Variants in PHF6 observed in about 807,000 individuals in gnomAD.
PHF6 encodes PHD finger protein 6, also known as PHD-like zinc finger protein.
In PHF6, 7 loss-of-function variants were observed where a neutral mutation model predicts 34.0. The ratio of observed to expected loss-of-function variants is 0.21; its 90% confidence interval spans 0.12 to 0.39. The LOEUF is 0.39. PHF6 is among the 10% of genes least tolerant of loss of function. The pLI is 1.00. For synonymous variants in PHF6, 89 were observed against 88.4 expected (o/e 1.01, Z -0.04); for missense variants, 128 against 262.8 (o/e 0.49, Z 3.55).
chrX:134,423,975 G>A (rs1033349483), intron 9 of PHF6, among the ~76,000 whole-genome samples: 3 of 109,828 alleles, frequency 2.7e-5, no homozygotes, highest in Admixed American at 9.8e-5. Context: ...ATGGGGGGAC[G>A]GGGGAGGGAT....
intron 7 of PHF6, among the ~76,000 whole-genome samples, chrX:134,414,591 G>A (rs987709091): frequency 9.2e-6 from 1 of 108,434 alleles, no homozygotes; most frequent in Non-Finnish European, 1.9e-5. Context: ...AGCTTTTTCC[G>A]AAATATGTGC....
chrX:134,373,785 G>A (rs1003134740), intron 1 of PHF6, among the ~76,000 whole-genome samples: 10 of 108,827 alleles, frequency 9.2e-5, no homozygotes, highest in African/African-American at 3.4e-4. Flanking sequence ...TGGGAAAGAG[G>A]GAGACTCCCA....
chrX:134,420,958 C>T (rs923003963), intron 9 of PHF6, among the ~76,000 whole-genome samples: 1 of 111,408 alleles, frequency 9.0e-6, no homozygotes, highest in Admixed American at 9.6e-5. Context: ...TGATAGAAAA[C>T]TCAGCATCAA....
chrX:134,384,981 C>G (rs1158599218), intron 3 of PHF6, among the ~76,000 whole-genome samples: 1 of 111,539 alleles, frequency 9.0e-6, no homozygotes, highest in Non-Finnish European at 1.9e-5. Flanking sequence ...TACCCTATGT[C>G]CAGTCTTGCT....
chrX:134,385,023 T>C (rs2077325927), intron 3 of PHF6, among the ~76,000 whole-genome samples: 2 of 111,682 alleles, frequency 1.8e-5, no homozygotes, highest in African/African-American at 6.5e-5. Context: ...TACTGGTAGT[T>C]ACTTGATCTC....
At chrX:134,377,898 A>T in intron 2 of PHF6, 107 bp from the exon 3 acceptor site, 2 of 920,297 alleles carry the variant, frequency 2.2e-6, no homozygotes, top group Non-Finnish European at 3.1e-6. Context: ...CACTAATGCT[A>T]TGCCATTTTT....
chrX:134,424,111 TA>T (rs760045577), intron 9 of PHF6, among the ~76,000 whole-genome samples: 64 of 99,271 alleles, frequency 6.4e-4, no homozygotes, highest in East Asian at 1.2e-3. Flanking sequence ...AAAAGTATAA[TA>T]AAAAAAAAAG....
intron 3 of PHF6, among the ~76,000 whole-genome samples, chrX:134,380,082 C>G (rs2077299956): frequency 9.0e-6 from 1 of 110,747 alleles, no homozygotes; most frequent in Non-Finnish European, 1.9e-5. Context: ...TAGTGTTACA[C>G]TACATGAAGC....
rs189034721 is a variant in PHF6, at chrX:134,407,966, C to T, written c.419-5525C>T. ...ATTTTTATTTTGAGACTCGCTCTGT[C>T]TCCCAGGCTGGAGTGCTGTGGCGTG... On this transcript the variant is annotated intron_variant, in intron 5 of 10. Transcript: ENST00000370803. Among the ~76,000 whole-genome samples, 345 of 112,072 alleles carry T rather than the reference C, an allele frequency of 3.1e-3. 1 individual carries two copies. Among genetic ancestry groups the T allele is most frequent in the South Asian group, 0.014 (37 of 2,658 alleles).
At chrX:134,424,663 CAT>C (rs2077502263) in intron 9 of PHF6, among the ~76,000 whole-genome samples, 1 of 111,959 alleles carries the variant, frequency 8.9e-6, no homozygotes, top group East Asian at 2.8e-4. Flanking sequence ...TTAAAAGAGA[CAT>C]AGCCAAATGC....
chrX:134,416,250 G>A lies in PHF6; in HGVS notation c.835-919G>A, dbSNP rs754815820. On this transcript the variant is annotated intron_variant, in intron 8 of 10. Transcript: ENST00000370803. ...GCTGGGATTACAGGCGTGAGCACCCGGCTAAAAATGAAACTTTCGTAACAG... is the reference window on the plus strand; with the variant it reads ...GCTGGGATTACAGGCGTGAGCACCCAGCTAAAAATGAAACTTTCGTAACAG... Among the ~76,000 whole-genome samples the A allele has an allele frequency of 2.7e-5, 3 of 111,214 alleles. No homozygotes were observed. In the East Asian group the frequency reaches 8.5e-4, roughly 31 times the overall value.
At chrX:134,373,793 C>T (rs2077267304) in intron 1 of PHF6, among the ~76,000 whole-genome samples, 1 of 106,771 alleles carries the variant, frequency 9.4e-6, no homozygotes, top group Admixed American at 1.0e-4. Flanking sequence ...AGGGAGACTC[C>T]CAGTTTGGGA....
intron 5 of PHF6, among the ~76,000 whole-genome samples, chrX:134,403,878 C>T (rs1248288860): frequency 8.9e-6 from 1 of 111,930 alleles, no homozygotes; most frequent in Non-Finnish European, 1.9e-5. Flanking sequence ...ATTTTAAGCC[C>T]ACTCTTGACA....
intron 9 of PHF6, among the ~76,000 whole-genome samples, chrX:134,423,549 A>G (rs1388659940): frequency 8.9e-6 from 1 of 112,214 alleles, no homozygotes; most frequent in Non-Finnish European, 1.9e-5. Context: ...AAAAATTTAA[A>G]AAGAGGTAGT....
intron 5 of PHF6, among the ~76,000 whole-genome samples, chrX:134,397,244 A>G (rs2077381180): frequency 8.9e-6 from 1 of 112,538 alleles, no homozygotes; most frequent in Non-Finnish European, 1.9e-5. Flanking sequence ...GTTTATAACT[A>G]TCATTATGTC....
At chrX:134,397,059 A>G (rs772719390) in intron 5 of PHF6, among the ~76,000 whole-genome samples, 2 of 111,816 alleles carry the variant, frequency 1.8e-5, no homozygotes, top group African/African-American at 6.5e-5. Context: ...CTTTATATAA[A>G]ATGAGCTGTT....
chrX:134,400,528 G>A (rs1342708743), intron 5 of PHF6, among the ~76,000 whole-genome samples: 1 of 108,823 alleles, frequency 9.2e-6, no homozygotes, highest in African/African-American at 3.4e-5. Context: ...ATTGGCCTGT[G>A]ATAGAAGGGC....
chrX:134,377,809 A>G lies in PHF6; in HGVS notation c.138+54A>G, dbSNP rs1208980977. ...TGAAACGATTCATGAGACTCTTAAT[A>G]ACACATGAATGTTCCTGAATACTAA... On this transcript the variant is annotated intron_variant, in intron 2 of 10. Transcript: ENST00000370803. 6 of 1,140,960 alleles carry G rather than the reference A, an allele frequency of 5.3e-6. No homozygotes were observed. In the African/African-American group the frequency reaches 1.1e-4, roughly 21 times the overall value. The allele number at this position is 1,140,960 out of a possible 1,213,427, so 94.0% of individuals were successfully genotyped here.
intron 5 of PHF6, among the ~76,000 whole-genome samples, chrX:134,396,497 ACTTTT>A (rs1569339132): frequency 3.6e-5 from 4 of 111,071 alleles, no homozygotes; most frequent in African/African-American, 1.3e-4. Flanking sequence ...TTTCAAGACA[ACTTTT>A]CTTTTACTGT....
Sources: allele counts gnomAD v4.1 joint callset (sites outside exome capture counted in the v4.1 genomes callset), GRCh38; gene constraint gnomAD v4.1.1; transcripts MANE v1.5; gene names NCBI Gene and HGNC (gene_info 2026-07-23, HGNC 2026-07-21).